Variants in PACRG observed in about 807,000 individuals in gnomAD.
PACRG encodes the protein parkin coregulated, also known as parkin coregulated gene protein.
A neutral mutation model predicts 29.7 loss-of-function variants in PACRG; 29 were observed. The ratio of observed to expected loss-of-function variants is 0.98; its 90% CI spans 0.73 to 1.33. The LOEUF is 1.33. Among genes scored for constraint, PACRG ranks in the 40% most tolerant of loss-of-function variants. PACRG has a pLI of 0.00. For synonymous variants in PACRG, 116 were observed against 118.7 expected, an observed-to-expected ratio of 0.98 and a Z score of 0.15; for missense variants, 279 against 316.2, an observed-to-expected ratio of 0.88 and a Z score of 0.89.
At chr6:162,972,285 T>C (rs13220475) in intron 2 of PACRG, among the ~76,000 whole-genome samples, 100,365 of 152,072 alleles carry the variant, frequency 0.66, 33,244 homozygotes, top group East Asian at 0.79. Flanking sequence ...AGTCAAGGAT[T>C]GAAGCTTCTT....
At chr6:163,024,834 C>T (rs1332480729) in intron 2 of PACRG, among the ~76,000 whole-genome samples, 1 of 152,112 alleles carries the variant, frequency 6.6e-6, no homozygotes, top group Non-Finnish European at 1.5e-5. Context: ...CAACAAAATG[C>T]TAGTACATTG....
chr6:163,249,352 A>T (rs1782816282), intron 4 of PACRG, among the ~76,000 whole-genome samples: 1 of 152,268 alleles, frequency 6.6e-6, no homozygotes, highest in Non-Finnish European at 1.5e-5. Flanking sequence ...CATTTAAAAA[A>T]AAACATGCCC....
intron 3 of PACRG, among the ~76,000 whole-genome samples, chr6:163,082,921 G>A (rs1028813120): frequency 3.3e-5 from 5 of 152,004 alleles, no homozygotes; most frequent in Non-Finnish European, 5.9e-5. Flanking sequence ...TAAATCCTTG[G>A]ACTAACTACC....
At chr6:163,006,287 G>T (rs1362271770) in intron 2 of PACRG, among the ~76,000 whole-genome samples, 1 of 148,078 alleles carries the variant, frequency 6.8e-6, no homozygotes, top group African/African-American at 2.5e-5. Flanking sequence ...ATCACATCAG[G>T]GTAAATGGGG....
intron 4 of PACRG, among the ~76,000 whole-genome samples, chr6:163,122,365 C>A (rs963346613): frequency 6.6e-6 from 1 of 152,022 alleles, no homozygotes; most frequent in African/African-American, 2.4e-5. Flanking sequence ...GTTTGTGTGA[C>A]CCCTCCGAAT....
Position 163,137,207 on chromosome 6 carries a change from G to A in PACRG, c.613+47799G>A, listed in dbSNP as rs758687689. On this transcript the variant is annotated intron_variant, in intron 4 of 4. Transcript: ENST00000366888. Reference sequence around the variant, plus strand: ...TGAACTCTGTTTTATGGAAGCTGCCGATGCCTCATTCGTAAGTCTCCCCAT... The same window carrying A: ...TGAACTCTGTTTTATGGAAGCTGCCAATGCCTCATTCGTAAGTCTCCCCAT... 2.1e-4 allele frequency among the ~76,000 whole-genome samples: 32 copies of A among 152,018 alleles called. 1 individual carries two copies. The highest frequency in any genetic ancestry group is 2.2e-4 in the Non-Finnish European group (15 of 68,012).
At chr6:162,775,517 C>T (rs1783574400) in intron 1 of PACRG, among the ~76,000 whole-genome samples, 1 of 152,142 alleles carries the variant, frequency 6.6e-6, no homozygotes, top group Non-Finnish European at 1.5e-5. Context: ...CCTTTGATAA[C>T]TATGTACTTG....
chr6:163,121,728 C>T (rs1414443055), intron 4 of PACRG, among the ~76,000 whole-genome samples: 3 of 148,854 alleles, frequency 2.0e-5, no homozygotes, highest in Non-Finnish European at 3.0e-5. Flanking sequence ...TGCAGTGGCA[C>T]GATCTCAGCT....
chr6:163,181,935 G>C (rs1779695885), intron 4 of PACRG, among the ~76,000 whole-genome samples: 1 of 152,190 alleles, frequency 6.6e-6, no homozygotes, highest in Non-Finnish European at 1.5e-5. Flanking sequence ...ATTCACAGCA[G>C]CTTTGTCATT....
intron 4 of PACRG, among the ~76,000 whole-genome samples, chr6:163,155,704 A>C (rs1482616350): frequency 6.6e-6 from 1 of 152,206 alleles, no homozygotes. Flanking sequence ...GTATCACTAT[A>C]ATCCACTCAA....
At chr6:163,168,972 G>T (rs1168146694) in intron 4 of PACRG, among the ~76,000 whole-genome samples, 1 of 152,230 alleles carries the variant, frequency 6.6e-6, no homozygotes, top group Admixed American at 6.5e-5. Flanking sequence ...GCGACCAGAA[G>T]TGAAGCTAAT....
chr6:162,821,897 C>T (rs966052447), intron 2 of PACRG, among the ~76,000 whole-genome samples: 2 of 152,188 alleles, frequency 1.3e-5, no homozygotes, highest in African/African-American at 4.8e-5. Flanking sequence ...ATCAGATTGG[C>T]AGTATGCTTG....
chr6:162,839,070 T>C (rs1329189988), intron 2 of PACRG, among the ~76,000 whole-genome samples: 1 of 135,236 alleles, frequency 7.4e-6, no homozygotes, highest in Non-Finnish European at 1.6e-5. Context: ...CATGTGTCTT[T>C]ATAGCAGCAT....
intron 4 of PACRG, among the ~76,000 whole-genome samples, chr6:163,116,273 G>A (rs1815987277): frequency 1.3e-5 from 2 of 152,176 alleles, no homozygotes. Context: ...AGATTAGGGA[G>A]CAGATACTAC....
At chr6:163,152,822 C>G (rs944496705) in intron 4 of PACRG, among the ~76,000 whole-genome samples, 3 of 152,154 alleles carry the variant, frequency 2.0e-5, no homozygotes, top group African/African-American at 7.2e-5. Flanking sequence ...ATGATGGTCC[C>G]TAAACTGTTG....
chr6:162,908,151 A>G (rs567758200), intron 2 of PACRG, among the ~76,000 whole-genome samples: 2 of 152,310 alleles, frequency 1.3e-5, no homozygotes, highest in East Asian at 3.9e-4. Context: ...TCATATACCA[A>G]TTTTACACTT....
At chr6:162,996,267 A>C (rs978092137) in intron 2 of PACRG, among the ~76,000 whole-genome samples, 3 of 152,184 alleles carry the variant, frequency 2.0e-5, no homozygotes, top group African/African-American at 7.2e-5. Flanking sequence ...TATACCCTAA[A>C]TATATACAAT....
At chr6:162,736,860 TG>T (rs1780205854) in intron 1 of PACRG, among the ~76,000 whole-genome samples, 1 of 152,002 alleles carries the variant, frequency 6.6e-6, no homozygotes, top group Non-Finnish European at 1.5e-5. Flanking sequence ...ATATTTTACA[TG>T]TTGTTGAAAG....
intron 2 of PACRG, among the ~76,000 whole-genome samples, chr6:162,845,942 T>C (rs1404521647): frequency 6.6e-6 from 1 of 152,290 alleles, no homozygotes; most frequent in East Asian, 1.9e-4. Context: ...ATTAGTGTTC[T>C]CAGGGTAGCA....
Sources: allele counts gnomAD v4.1 joint callset (sites outside exome capture counted in the v4.1 genomes callset), GRCh38; gene constraint gnomAD v4.1.1; transcripts MANE v1.5; gene names NCBI Gene and HGNC (gene_info 2026-07-23, HGNC 2026-07-21).